The following CDYL2 variants were observed in gnomAD, a reference collection of about 807,000 sequenced individuals.
CDYL2 encodes the protein chromodomain Y-like protein 2.
Under a neutral mutation model 49.4 loss-of-function variants are expected in CDYL2, and 23 were observed. The observed-to-expected ratio is 0.47, with a 90% confidence interval of 0.34 to 0.66. The LOEUF (loss-of-function observed/expected upper bound fraction) is 0.66, where lower values mean the gene tolerates loss of function less well. Ranked by LOEUF, CDYL2 falls within the 30% of genes least tolerant of loss-of-function variation. The pLI is 0.01. For missense variants in CDYL2, 678 were observed against 656.4 expected, an observed-to-expected ratio of 1.03 and a Z score of -0.36; for synonymous variants, 360 against 268.8, an observed-to-expected ratio of 1.34 and a Z score of -3.32.
chr16:80,654,865 C>T (rs772501423), intron 2 of CDYL2, among the ~76,000 whole-genome samples: 21 of 152,194 alleles, frequency 1.4e-4, no homozygotes, highest in Non-Finnish European at 2.6e-4. Flanking sequence ...CAGTGAACTT[C>T]GGAGAGTAAA....
intron 1 of CDYL2, among the ~76,000 whole-genome samples, chr16:80,707,415 C>T (rs1016111510): frequency 3.3e-5 from 5 of 152,120 alleles, no homozygotes; most frequent in African/African-American, 7.2e-5. Flanking sequence ...AAGCTACGAT[C>T]GTACCACTGC....
intron 3 of CDYL2, among the ~76,000 whole-genome samples, chr16:80,622,431 C>T (rs532255190): frequency 6.6e-6 from 1 of 152,044 alleles, no homozygotes; most frequent in African/African-American, 2.4e-5. Context: ...TTGCCCAGCA[C>T]CCCCATTTGT....
At chr16:80,712,193 A>ATG (rs1904638248) in intron 1 of CDYL2, among the ~76,000 whole-genome samples, 3 of 105,942 alleles carry the variant, frequency 2.8e-5, no homozygotes, top group Admixed American at 1.8e-4. Context: ...CTGTGTGTGT[A>ATG]TATATATATA....
intron 2 of CDYL2, among the ~76,000 whole-genome samples, chr16:80,665,220 C>A (rs1173163033): frequency 6.6e-6 from 1 of 152,168 alleles, no homozygotes; most frequent in African/African-American, 2.4e-5. Context: ...CTCCTCTTTG[C>A]CTGATCAAGC....
At chr16:80,659,657 G>C (rs936211112) in intron 2 of CDYL2, among the ~76,000 whole-genome samples, 11 of 104,324 alleles carry the variant, frequency 1.1e-4, no homozygotes, top group African/African-American at 3.7e-4. Context: ...CACACAGAAA[G>C]AGAGAAAAAA....
chr16:80,623,720 C>G (rs931035356), intron 3 of CDYL2, among the ~76,000 whole-genome samples: 2 of 152,174 alleles, frequency 1.3e-5, no homozygotes, highest in Admixed American at 6.5e-5. Flanking sequence ...AATCAAAGTA[C>G]AGTCACTGTG....
intron 2 of CDYL2, among the ~76,000 whole-genome samples, chr16:80,679,234 C>A (rs1390080912): frequency 6.6e-6 from 1 of 151,694 alleles, no homozygotes; most frequent in African/African-American, 2.4e-5. Flanking sequence ...GCACATTGTA[C>A]ACATGTACCC....
At chr16:80,628,694 C>A (rs1894239420) in intron 3 of CDYL2, among the ~76,000 whole-genome samples, 1 of 152,306 alleles carries the variant, frequency 6.6e-6, no homozygotes, top group Non-Finnish European at 1.5e-5. Flanking sequence ...CTAATACAAT[C>A]CCACAAGAGC....
At chr16:80,640,213 C>G (rs1567551816) in intron 2 of CDYL2, among the ~76,000 whole-genome samples, 1 of 152,190 alleles carries the variant, frequency 6.6e-6, no homozygotes, top group South Asian at 2.1e-4. Flanking sequence ...GAGATCCCTC[C>G]TTTCCACTTG....
intron 2 of CDYL2, among the ~76,000 whole-genome samples, chr16:80,677,589 A>C (rs2142462643): frequency 6.6e-6 from 1 of 152,090 alleles, no homozygotes; most frequent in Non-Finnish European, 1.5e-5. Flanking sequence ...TACAAAAAAA[A>C]TCAGCTGGGC....
intron 1 of CDYL2, among the ~76,000 whole-genome samples, chr16:80,723,659 T>G (rs1001981783): frequency 6.6e-6 from 1 of 152,204 alleles, no homozygotes; most frequent in Non-Finnish European, 1.5e-5. Flanking sequence ...TAACAGCTGC[T>G]ACAGTAAATA....
chr16:80,676,525 G>C (rs1909750336), intron 2 of CDYL2, among the ~76,000 whole-genome samples: 1 of 152,160 alleles, frequency 6.6e-6, no homozygotes. Flanking sequence ...GCCTCTTCTG[G>C]GACAAGCTCC....
At chr16:80,777,319 G>C (rs1907119989) in intron 1 of CDYL2, among the ~76,000 whole-genome samples, 1 of 151,514 alleles carries the variant, frequency 6.6e-6, no homozygotes, top group Non-Finnish European at 1.5e-5. Context: ...ATATTATCTA[G>C]TTCATAATTA....
intron 1 of CDYL2, among the ~76,000 whole-genome samples, chr16:80,712,791 T>A (rs1904665137): frequency 6.6e-6 from 1 of 152,172 alleles, no homozygotes; most frequent in South Asian, 2.1e-4. Context: ...CCATCAGACA[T>A]AAGATATCTG....
chr16:80,705,719 A>C (rs894831633), intron 1 of CDYL2, among the ~76,000 whole-genome samples: 21 of 152,260 alleles, frequency 1.4e-4, no homozygotes, highest in Non-Finnish European at 2.6e-4. Context: ...CTCTGTTGCA[A>C]CTACTCAAAT....
At chr16:80,660,939 G>A (rs1909016045) in intron 2 of CDYL2, among the ~76,000 whole-genome samples, 1 of 152,218 alleles carries the variant, frequency 6.6e-6, no homozygotes, top group Non-Finnish European at 1.5e-5. Flanking sequence ...TACAGGGGCA[G>A]CTGCCCCTGA....
intron 1 of CDYL2, among the ~76,000 whole-genome samples, chr16:80,695,516 C>A (rs1260135149): frequency 1.3e-5 from 2 of 152,070 alleles, no homozygotes; most frequent in Non-Finnish European, 2.9e-5. Context: ...ATTCACTTCA[C>A]CTGTAAAGAC....
intron 3 of CDYL2, among the ~76,000 whole-genome samples, chr16:80,626,245 C>CA (rs1222638037): frequency 1.3e-4 from 19 of 143,942 alleles, no homozygotes; most frequent in African/African-American, 4.7e-4. Flanking sequence ...CCACCGTACT[C>CA]CAACCTCGGT....
chr16:80,607,172 C>T (rs967398937), intron 6 of CDYL2, among the ~76,000 whole-genome samples: 17 of 152,026 alleles, frequency 1.1e-4, no homozygotes, highest in South Asian at 2.1e-4. Context: ...ACCTGGAGAC[C>T]GCCACCCCCC....
Sources: gnomAD v4.1 joint callset for allele counts (sites outside exome capture counted in the v4.1 genomes callset) on GRCh38, gnomAD v4.1.1 for gene constraint, MANE v1.5 for transcripts, NCBI Gene and HGNC (gene_info 2026-07-23, HGNC 2026-07-21) for gene names.